Variants in STXBP4 observed in about 807,000 individuals in gnomAD.
The protein encoded by STXBP4 is syntaxin-binding protein 4.
In STXBP4, 55 loss-of-function variants were observed where a neutral mutation model predicts 76.1. That is an observed-to-expected ratio of 0.72 (90% confidence interval 0.58 to 0.91). STXBP4 has a LOEUF of 0.91. Ranked by LOEUF, STXBP4 falls within the 40% of genes least tolerant of loss-of-function variation. The pLI is 0.00. For missense variants in STXBP4, 618 were observed against 636.9 expected (o/e 0.97, Z 0.32); for synonymous variants, 201 against 220.2 (o/e 0.91, Z 0.77).
chr17:55,077,683 C>T (rs993385937), intron 13 of STXBP4, among the ~76,000 whole-genome samples: 1 of 113,014 alleles, frequency 8.8e-6, no homozygotes, highest in East Asian at 2.5e-4. Flanking sequence ...CTTTGTCTTA[C>T]ATCGTGTGTG....
At chr17:54,982,619 T>TGA in intron 1 of STXBP4, among the ~76,000 whole-genome samples, 1 of 151,712 alleles carries the variant, frequency 6.6e-6, no homozygotes, top group East Asian at 1.9e-4. Context: ...TGTGTGTGTG[T>TGA]GTGTGTGAGT....
chr17:55,034,141 T>C, intron 9 of STXBP4, 27 bp from the exon 10 acceptor site: 1 of 1,577,368 alleles, frequency 6.3e-7, no homozygotes, highest in Non-Finnish European at 8.7e-7. Context: ...AAATGCCATG[T>C]TCTTACTTAA....
rs2080365028 is a variant in STXBP4 at position 55,164,506 on chromosome 17, A to G, written c.*4595A>G. The G allele has an allele frequency of 1.5e-5, 2 of 132,832 alleles. No individual in the cohort carries two copies. Among genetic ancestry groups the G allele is most frequent in the Non-Finnish European group, 3.1e-5 (2 of 65,440 alleles). The allele number at this position is 132,832 out of a possible 1,614,324, so 8.2% of individuals were successfully genotyped here. A position where few individuals can be genotyped will look rare whatever the true frequency, so the allele number is the denominator to read the frequency against. The stretch of plus-strand genomic sequence containing the variant: ...TCGCCCAGGCGGGACTGCGGACTGC[A>G]GCGGCGCAATCTCGGCTCACTGCAA... On this transcript the variant is annotated 3_prime_UTR_variant, in exon 18 of 18. Transcript: ENST00000376352.
At chr17:54,991,814 TA>T (rs1222672293) in intron 4 of STXBP4, 1 of 150,918 alleles carries the variant, frequency 6.6e-6, no homozygotes, top group East Asian at 1.9e-4. Flanking sequence ...AAAATTATAT[TA>T]ATAATTAAGA....
intron 8 of STXBP4, among the ~76,000 whole-genome samples, chr17:55,017,880 T>C (rs1162904694): frequency 6.6e-6 from 1 of 152,174 alleles, no homozygotes; most frequent in Non-Finnish European, 1.5e-5. Context: ...CATTTTTAAC[T>C]GGCCGACAGG....
In STXBP4 at chr17:55,163,100, T is replaced by C. The variant is rs576103896; in HGVS notation, c.*3189T>C. ...ACATTCATTTTAATTTTGGTACATA[T>C]CCATAAATTCTCCATAAAAGTAGGA... On this transcript the variant is annotated 3_prime_UTR_variant, in exon 18 of 18. Coordinates refer to ENST00000376352, the MANE Select transcript of STXBP4 (RefSeq NM_178509.6). 4 of 152,274 alleles carry C rather than the reference T, an allele frequency of 2.6e-5. No homozygotes were observed. The East Asian group carries it at 7.7e-4, about 29-fold the overall frequency. The allele number at this position is 152,274 out of a possible 1,614,324, so 9.4% of individuals were successfully genotyped here.
intron 8 of STXBP4, among the ~76,000 whole-genome samples, chr17:55,019,264 TTTAA>T (rs1249878162): frequency 6.6e-6 from 1 of 152,198 alleles, no homozygotes; most frequent in Non-Finnish European, 1.5e-5. Context: ...TGTTTGATTA[TTTAA>T]TTAATTGCTT....
intron 12 of STXBP4, among the ~76,000 whole-genome samples, chr17:55,071,190 A>C (rs1471942882): frequency 1.3e-5 from 2 of 152,128 alleles, no homozygotes; most frequent in Non-Finnish European, 2.9e-5. Context: ...TTTAAGTCAG[A>C]TCACATCGAT....
At chr17:55,007,681 G>A in intron 8 of STXBP4, 84 bp downstream of exon 8, 7 of 1,003,340 alleles carry the variant, frequency 7.0e-6, no homozygotes, top group Non-Finnish European at 1.0e-5. Context: ...ATAAAGTACT[G>A]GAGTCATTAG....
At chr17:55,194,585 AT>A in the STXBP4 span, among the ~76,000 whole-genome samples, 1 of 152,174 alleles carries the variant, frequency 6.6e-6, no homozygotes, top group Non-Finnish European at 1.5e-5. Context: ...TAATGACTAG[AT>A]TAAGAAAATG....
At chr17:55,070,963 A>C (rs1394816921) in intron 12 of STXBP4, among the ~76,000 whole-genome samples, 1 of 152,116 alleles carries the variant, frequency 6.6e-6, no homozygotes, top group Non-Finnish European at 1.5e-5. Flanking sequence ...TGCTAGATGC[A>C]GTGGCTGCTA....
At chr17:55,107,253 A>G (rs992371177) in intron 16 of STXBP4, among the ~76,000 whole-genome samples, 1 of 152,070 alleles carries the variant, frequency 6.6e-6, no homozygotes, top group African/African-American at 2.4e-5. Flanking sequence ...TGTATGCTTC[A>G]TGAAGTTCTC....
At chr17:55,139,636 C>A (rs181104160) in intron 16 of STXBP4, among the ~76,000 whole-genome samples, 3 of 152,044 alleles carry the variant, frequency 2.0e-5, no homozygotes, top group Non-Finnish European at 4.4e-5. Context: ...TTTATCATGG[C>A]GCATCTGGCT....
At chr17:55,074,109 T>C (rs2079153337) in intron 13 of STXBP4, among the ~76,000 whole-genome samples, 1 of 152,166 alleles carries the variant, frequency 6.6e-6, no homozygotes, top group Non-Finnish European at 1.5e-5. Context: ...TATGTATATC[T>C]CTAATCCAAT....
At chr17:54,974,539 A>G (rs1344744503) in intron 1 of STXBP4, among the ~76,000 whole-genome samples, 1 of 152,260 alleles carries the variant, frequency 6.6e-6, no homozygotes, top group Non-Finnish European at 1.5e-5. Flanking sequence ...TATTAATTCA[A>G]GTAATGTTTA....
Position 54,968,791 on chromosome 17 carries a change from C to G in STXBP4, c.-181C>G. On this transcript the variant is annotated 5_prime_UTR_variant, in exon 1 of 18. Coordinates refer to ENST00000376352, the MANE Select transcript of STXBP4 (RefSeq NM_178509.6). ...GGTGGCAGCGCTTGCAGTCGGGCTACGGAGGCCGGGTTGCCAGATTACGGG... is the reference window on the plus strand; with the variant it reads ...GGTGGCAGCGCTTGCAGTCGGGCTAGGGAGGCCGGGTTGCCAGATTACGGG... 1.1e-6 allele frequency: 1 copy of G among 918,868 alleles called. No individual in the cohort carries two copies. The highest frequency in any genetic ancestry group is 1.7e-5 in the African/African-American group (1 of 60,390). 56.9% of individuals were successfully genotyped at this position (918,868 alleles called of 1,614,324 possible).
At chr17:55,189,512 A>C in the STXBP4 span, among the ~76,000 whole-genome samples, 1 of 152,204 alleles carries the variant, frequency 6.6e-6, no homozygotes, top group African/African-American at 2.4e-5. Flanking sequence ...AAGCATCTAC[A>C]AGAAACAGGC....
intron 8 of STXBP4, among the ~76,000 whole-genome samples, chr17:55,014,786 A>G (rs1399250165): frequency 1.3e-5 from 2 of 152,120 alleles, no homozygotes; most frequent in African/African-American, 2.4e-5. Context: ...TACTTGGACA[A>G]TCTTTTTTAA....
At chr17:55,133,331 A>C (rs2079992692) in intron 16 of STXBP4, among the ~76,000 whole-genome samples, 1 of 152,130 alleles carries the variant, frequency 6.6e-6, no homozygotes, top group Non-Finnish European at 1.5e-5. Flanking sequence ...GAGAGCTGAG[A>C]GGCGAGGTTT....
Sources: gnomAD v4.1 joint callset for allele counts (sites outside exome capture counted in the v4.1 genomes callset) on GRCh38, gnomAD v4.1.1 for gene constraint, MANE v1.5 for transcripts, NCBI Gene and HGNC (gene_info 2026-07-23, HGNC 2026-07-21) for gene names.